GAB1: variants seen among roughly 807,000 people sequenced by gnomAD.
The protein encoded by GAB1 is GRB2-associated-binding protein 1.
GAB1 carries 19 observed loss-of-function variants against 66.5 expected under a neutral mutation model. The observed-to-expected ratio is 0.29, with a 90% CI of 0.20 to 0.42. The LOEUF (loss-of-function observed/expected upper bound fraction) is 0.42. Ranked by LOEUF, GAB1 falls within the 10% of genes least tolerant of loss-of-function variation. GAB1 has a pLI of 1.00. For synonymous variants in GAB1, 294 were observed against 301.4 expected, an observed-to-expected ratio of 0.98 and a Z score of 0.25; for missense variants, 732 against 858.5, an observed-to-expected ratio of 0.85 and a Z score of 1.84.
At chr4:143,392,487 A>G (rs1282992425) in intron 1 of GAB1, among the ~76,000 whole-genome samples, 1 of 152,168 alleles carries the variant, frequency 6.6e-6, no homozygotes, top group Non-Finnish European at 1.5e-5. Flanking sequence ...TTGTGGTAAG[A>G]TACATGAAAC....
At chr4:143,426,908 C>A (rs2149736668) in intron 2 of GAB1, among the ~76,000 whole-genome samples, 1 of 152,258 alleles carries the variant, frequency 6.6e-6, no homozygotes, top group East Asian at 1.9e-4. Flanking sequence ...GCAGATATTT[C>A]ACCTCTCTAT....
At chr4:143,409,984 C>T (rs1352143436) in intron 1 of GAB1, among the ~76,000 whole-genome samples, 3 of 151,836 alleles carry the variant, frequency 2.0e-5, no homozygotes, top group Non-Finnish European at 4.4e-5. Flanking sequence ...TTTAAACCTG[C>T]CTATTCCAAT....
intron 7 of GAB1, among the ~76,000 whole-genome samples, chr4:143,460,162 A>G (rs1391226937): frequency 6.6e-6 from 1 of 152,150 alleles, no homozygotes; most frequent in Non-Finnish European, 1.5e-5. Context: ...GCTGTCCAAA[A>G]TACACTTTTA....
intron 1 of GAB1, among the ~76,000 whole-genome samples, chr4:143,373,338 T>C (rs1328091073): frequency 6.6e-6 from 1 of 152,236 alleles, no homozygotes; most frequent in Non-Finnish European, 1.5e-5. Flanking sequence ...TAAAAAAGAA[T>C]AATAGCACCA....
At chr4:143,338,712 G>GTGTGTGTGT (rs1728734926) in intron 1 of GAB1, among the ~76,000 whole-genome samples, 14 of 149,180 alleles carry the variant, frequency 9.4e-5, no homozygotes, top group Non-Finnish European at 8.9e-5. Context: ...GAAAGGTAGG[G>GTGTGTGTGT]GTGTGTGTGT....
intron 1 of GAB1, among the ~76,000 whole-genome samples, chr4:143,387,124 G>T (rs948632328): frequency 9.9e-5 from 15 of 151,838 alleles, no homozygotes; most frequent in African/African-American, 3.4e-4. Context: ...TTGGTTTTTT[G>T]TTGTTGTTGT....
chr4:143,361,077 C>T (rs542633443), intron 1 of GAB1, among the ~76,000 whole-genome samples: 1 of 152,038 alleles, frequency 6.6e-6, no homozygotes, highest in African/African-American at 2.4e-5. Flanking sequence ...TTTCTGTTGG[C>T]ATAGTTAAGC....
Position 143,460,388 on chromosome 4 carries a change from C to A in GAB1, c.1704C>A (p.Pro568=). Residue 568 remains proline, a synonymous_variant, in exon 8 of 10, where the codon CCC becomes CCA. Coordinates refer to ENST00000262994, the MANE Select transcript of GAB1 (RefSeq NM_002039.4). ...ARDSSRFPMS[P]RPDSVHSTTS... Reference sequence around the variant, plus strand: ...GCTCTTCCAGGTTTCCCATGTCCCCCCGACCAGATTCAGTGCATAGCACAA... The same window carrying A: ...GCTCTTCCAGGTTTCCCATGTCCCCACGACCAGATTCAGTGCATAGCACAA... 6.2e-7 allele frequency: 1 copy of A among 1,613,708 alleles called. No homozygotes were observed. Among genetic ancestry groups the A allele is most frequent in the Non-Finnish European group, 8.5e-7 (1 of 1,179,724 alleles).
chr4:143,463,079 C>T (rs559814334), intron 8 of GAB1, among the ~76,000 whole-genome samples: 14 of 152,290 alleles, frequency 9.2e-5, no homozygotes, highest in African/African-American at 3.1e-4. Flanking sequence ...ATTCCATATC[C>T]TCATGCTGCC....
In GAB1 at chr4:143,469,400, T is replaced by C. The variant is rs1031556670; in HGVS notation, c.*211T>C. ...ATAACATGTAAATAATGTGGGAAAATAGTATTGTTTAGCTCCCAGAGAAAC... is the reference window on the plus strand; with the variant it reads ...ATAACATGTAAATAATGTGGGAAAACAGTATTGTTTAGCTCCCAGAGAAAC... On this transcript the variant is annotated 3_prime_UTR_variant, in exon 10 of 10. Coordinates refer to ENST00000262994, the MANE Select transcript of GAB1 (RefSeq NM_002039.4). The C allele has an allele frequency of 1.2e-5, 6 of 493,370 alleles. No homozygotes were observed. The highest frequency in any genetic ancestry group is 9.5e-5 in the African/African-American group (5 of 52,430). The allele number at this position is 493,370 out of a possible 1,614,324, so 30.6% of individuals were successfully genotyped here.
chr4:143,384,187 T>C (rs1490682962), intron 1 of GAB1, among the ~76,000 whole-genome samples: 1 of 152,240 alleles, frequency 6.6e-6, no homozygotes, highest in Admixed American at 6.5e-5. Context: ...ATGCTAACTT[T>C]GTGCTTTATT....
chr4:143,338,246 C>T (rs1436714484), intron 1 of GAB1, among the ~76,000 whole-genome samples: 1 of 152,212 alleles, frequency 6.6e-6, no homozygotes, highest in East Asian at 1.9e-4. Context: ...AAAGAAATGA[C>T]ACTTTTGTGC....
intron 2 of GAB1, among the ~76,000 whole-genome samples, chr4:143,423,792 GTATATATATA>G (rs35559967): frequency 0.034 from 2,308 of 67,592 alleles, 67 homozygotes; most frequent in East Asian, 0.073. Flanking sequence ...AAAAAAAAGT[GTATATATATA>G]TATATATATA....
chr4:143,408,035 T>G (rs1732155020), intron 1 of GAB1, among the ~76,000 whole-genome samples: 1 of 152,312 alleles, frequency 6.6e-6, no homozygotes, highest in East Asian at 1.9e-4. Flanking sequence ...ATTTTAAGTG[T>G]TCCCAACTTT....
chr4:143,444,427 T>G (rs1477054164), intron 6 of GAB1, among the ~76,000 whole-genome samples: 1 of 152,186 alleles, frequency 6.6e-6, no homozygotes, highest in Non-Finnish European at 1.5e-5. Context: ...TTGGTTAAAG[T>G]ACCTTCAAGC....
chr4:143,465,029 A>G (rs1405761889), intron 8 of GAB1, among the ~76,000 whole-genome samples: 2 of 152,230 alleles, frequency 1.3e-5, no homozygotes, highest in Non-Finnish European at 2.9e-5. Context: ...ATGAACATTA[A>G]TATCAACAGT....
At chr4:143,347,794 A>G (rs1452771215) in intron 1 of GAB1, among the ~76,000 whole-genome samples, 1 of 152,244 alleles carries the variant, frequency 6.6e-6, no homozygotes, top group Non-Finnish European at 1.5e-5. Flanking sequence ...GGCAAGAGGC[A>G]TTTCACCAGC....
intron 1 of GAB1, among the ~76,000 whole-genome samples, chr4:143,403,424 A>C (rs1197016206): frequency 6.6e-6 from 1 of 152,250 alleles, no homozygotes; most frequent in East Asian, 1.9e-4. Context: ...GTTGACAGAA[A>C]AAAGAAAGCT....
At position 143,460,434 on chromosome 4, in the gene GAB1, G is replaced by A. The variant is rs1294424013; in HGVS notation, c.1750G>A (p.Asp584Asn). Residue 584 changes from aspartate to asparagine, a missense_variant, in exon 8 of 10, where the codon GAC (aspartate) becomes AAC (asparagine). Physicochemically the swap from Asp to Asn is conservative, Grantham distance 23. This residue lies in a region of GAB1 where 204 missense variants were observed against 276.8 expected (regional missense o/e 0.74). Transcript: ENST00000262994. ...CACAACTTCAAGCAGTGACTCACAC[G>A]ACAGTGAAGAGAATTATGTTCCCAT... Reference protein sequence around the residue: ...HSTTSSSDSHDSEENYVPMNP... With the variant: ...HSTTSSSDSHNSEENYVPMNP... The A allele has an allele frequency of 9.3e-6, 15 of 1,613,476 alleles. No homozygotes were observed. Among genetic ancestry groups the A allele is most frequent in the African/African-American group, 1.3e-5 (1 of 74,898 alleles).
Sources: allele counts gnomAD v4.1 joint callset (sites outside exome capture counted in the v4.1 genomes callset), GRCh38; gene constraint gnomAD v4.1.1; regional missense constraint gnomAD v4.1.1; transcripts MANE v1.5; gene names NCBI Gene and HGNC (gene_info 2026-07-23, HGNC 2026-07-21).